Variants in SBK1 observed in about 807,000 individuals in gnomAD.
SBK1 encodes serine/threonine-protein kinase SBK1.
Under a neutral mutation model 24.4 loss-of-function variants are expected in SBK1, and 11 were observed. The ratio of observed to expected loss-of-function variants is 0.45; its 90% CI spans 0.28 to 0.75. The LOEUF is 0.75. Ranked by LOEUF, SBK1 falls within the 30% of genes least tolerant of loss-of-function variation. The pLI is 0.12. For synonymous variants in SBK1, 308 were observed against 284.4 expected (o/e 1.08, Z -0.83); for missense variants, 467 against 620.5 (o/e 0.75, Z 2.63).
intron 1 of SBK1, among the ~76,000 whole-genome samples, chr16:28,298,119 C>T (rs1469971284): frequency 1.3e-5 from 2 of 152,228 alleles, no homozygotes; most frequent in African/African-American, 2.4e-5. Context: ...CCTGGCTCGC[C>T]TCCTGCTCCC....
At chr16:28,282,947 GTTTA>G in intron 1 of SBK1, among the ~76,000 whole-genome samples, 1 of 151,658 alleles carries the variant, frequency 6.6e-6, no homozygotes, top group South Asian at 2.1e-4. Flanking sequence ...TTGTTTGTTT[GTTTA>G]GAGACGGAGT....
chr16:28,277,080 G>C (rs917584740), intron 1 of SBK1, among the ~76,000 whole-genome samples: 2 of 152,080 alleles, frequency 1.3e-5, no homozygotes, highest in Admixed American at 6.6e-5. Flanking sequence ...GTGTGGGGTC[G>C]TTACGCAGGC....
chr16:28,314,937 C>T (rs568955241), intron 1 of SBK1, among the ~76,000 whole-genome samples: 1 of 152,184 alleles, frequency 6.6e-6, no homozygotes, highest in East Asian at 1.9e-4. Flanking sequence ...CAAGATCACA[C>T]CACTGCACTC....
In SBK1 at chr16:28,310,575, T is replaced by A. The variant is rs74656731; in HGVS notation, c.-7-6810T>A. On this transcript the variant is annotated intron_variant, in intron 1 of 3. Transcript: ENST00000341901. Reference sequence around the variant, plus strand: ...TCCTCATCTCAAAAGCCTGTGCTGCTGCTCACACCTGTAATCCCAGCACTT... The same window carrying A: ...TCCTCATCTCAAAAGCCTGTGCTGCAGCTCACACCTGTAATCCCAGCACTT... Among the ~76,000 whole-genome samples, 1,324 of 152,266 alleles carry A rather than the reference T, an allele frequency of 8.7e-3. 20 individuals carry two copies. Among genetic ancestry groups the A allele is most frequent in the African/African-American group, 0.03 (1,264 of 41,550 alleles).
chr16:28,320,851 G>A lies in SBK1; in HGVS notation c.1205G>A (p.Arg402Gln), dbSNP rs764232424. 11 of 1,481,626 alleles carry A rather than the reference G, an allele frequency of 7.4e-6. No homozygotes were observed. The highest frequency in any genetic ancestry group is 9.8e-6 in the Non-Finnish European group (11 of 1,118,742). 91.8% of individuals were successfully genotyped at this position (1,481,626 alleles called of 1,614,324 possible). A position where few individuals can be genotyped will look rare whatever the true frequency, so the allele number is the denominator to read the frequency against. ...CTAGCTCCCCAGGGGCCCCCCGGCC[G>A]GACCGACGGCCGCGCGGACAAGAGC... Reference protein sequence around the residue: ...PGLAPQGPPGRTDGRADKSKG... With the variant: ...PGLAPQGPPGQTDGRADKSKG... The change falls in exon 4 of 4, where the codon CGG becomes CAG. Residue 402 changes from arginine to glutamine, a missense_variant. Physicochemically the swap from Arg to Gln is conservative, Grantham distance 43. Transcript: ENST00000341901. The surrounding 1 kb of genome is among the most constrained non-coding windows in gnomAD (Gnocchi z 8.5).
At chr16:28,277,974 C>G (rs1334302427) in intron 1 of SBK1, among the ~76,000 whole-genome samples, 4 of 152,280 alleles carry the variant, frequency 2.6e-5, no homozygotes, top group Non-Finnish European at 4.4e-5. Flanking sequence ...CCCAGGCCCG[C>G]TACGTCCGGG....
chr16:28,286,566 T>A (rs999368543), intron 1 of SBK1: 1 of 152,122 alleles, frequency 6.6e-6, no homozygotes, highest in African/African-American at 2.4e-5. Context: ...TCCCAGCTAC[T>A]TGGGAGGCTG....
In SBK1 at chr16:28,317,512, C is replaced by G. The variant is rs1344081135; in HGVS notation, c.121C>G (p.Leu41Val). Residue 41 changes from leucine to valine, a missense_variant, in exon 2 of 4, where the codon CTC becomes GTC. Physicochemically the swap from Leu to Val is conservative, Grantham distance 32. Coordinates refer to ENST00000341901, the MANE Select transcript of SBK1 (RefSeq NM_001024401.3). The surrounding 1 kb of genome is among the most constrained non-coding windows in gnomAD (Gnocchi z 4.2). ...LLTEDMQALT[L>V]RTLAASDVTK... ...CACTGAAGACATGCAGGCCCTGACT[C>G]TCCGCACACTGGCCGCCAGCGACGT... 1 of 1,614,206 alleles carries G rather than the reference C, an allele frequency of 6.2e-7. No homozygotes were observed. The highest frequency in any genetic ancestry group is 8.5e-7 in the Non-Finnish European group (1 of 1,180,026).
At chr16:28,290,288 C>T (rs1360796008), upstream of SBK1, 1 of 152,112 alleles carries the variant, frequency 6.6e-6, no homozygotes, top group Non-Finnish European at 1.5e-5. Flanking sequence ...GACAGCAACC[C>T]AACCCCATTT....
chr16:28,269,249 G>C (rs1398455056), intron 1 of SBK1, among the ~76,000 whole-genome samples: 1 of 151,532 alleles, frequency 6.6e-6, no homozygotes, highest in Non-Finnish European at 1.5e-5. Context: ...TAGTCAGGCT[G>C]GTCTCGAATT....
chr16:28,269,254 C>G (rs554940515), intron 1 of SBK1, among the ~76,000 whole-genome samples: 1 of 151,806 alleles, frequency 6.6e-6, no homozygotes, highest in East Asian at 1.9e-4. Context: ...AGGCTGGTCT[C>G]GAATTCCCGA....
intron 1 of SBK1, among the ~76,000 whole-genome samples, chr16:28,296,561 G>A (rs546706710): frequency 4.6e-5 from 7 of 152,182 alleles, no homozygotes; most frequent in East Asian, 1.9e-4. Flanking sequence ...GGCAACCTTC[G>A]TCTGTGTGTG....
chr16:28,309,570 A>C (rs951202607), intron 1 of SBK1, among the ~76,000 whole-genome samples: 2 of 152,134 alleles, frequency 1.3e-5, no homozygotes, highest in Non-Finnish European at 2.9e-5. Context: ...TAGGTGGTAT[A>C]TAAGTTCTAC....
chr16:28,284,665 C>T (rs747970369), intron 1 of SBK1, among the ~76,000 whole-genome samples: 3 of 152,202 alleles, frequency 2.0e-5, no homozygotes, highest in Non-Finnish European at 2.9e-5. Context: ...TCAGGCCGGG[C>T]GCAGTGGCTC....
At chr16:28,312,988 G>A (rs1287563795) in intron 1 of SBK1, among the ~76,000 whole-genome samples, 2 of 152,152 alleles carry the variant, frequency 1.3e-5, no homozygotes, top group Non-Finnish European at 2.9e-5. Flanking sequence ...ACAAAAATTA[G>A]GCATGGTGGC....
chr16:28,294,865 C>G (rs2044627675), intron 1 of SBK1, among the ~76,000 whole-genome samples: 1 of 152,234 alleles, frequency 6.6e-6, no homozygotes, highest in African/African-American at 2.4e-5. Flanking sequence ...GTTGAGGCAG[C>G]CACCTTCAGC....
chr16:28,266,371 A>AAAAAG lies in SBK1; in HGVS notation c.257+6889_257+6893dup, dbSNP rs372380193. 7.3e-3 allele frequency among the ~76,000 whole-genome samples: 1,105 copies of AAAAAG among 152,162 alleles called. 8 individuals are homozygous for AAAAAG. The highest frequency in any genetic ancestry group is 0.023 in the African/African-American group (952 of 41,482). ...GACAAAGGGAGACCCTGTCTCTTACAAAAAGAAAAGAAAAGAAAAGAAAAA... is the reference window on the plus strand; with the variant it reads ...GACAAAGGGAGACCCTGTCTCTTACAAAAAGAAAAGAAAAGAAAAGAAAAGAAAAA... On this transcript the variant is annotated intron_variant, in intron 1 of 3. Coordinates refer to the SBK1 transcript ENST00000671413.
chr16:28,291,289 T>C (rs1357548030), upstream of SBK1: 1 of 150,560 alleles, frequency 6.6e-6, no homozygotes, highest in Admixed American at 6.6e-5. Flanking sequence ...TTCTCACTCA[T>C]AGGTGGGAAT....
intron 1 of SBK1, among the ~76,000 whole-genome samples, chr16:28,264,928 G>A (rs1567668701): frequency 6.6e-6 from 1 of 152,032 alleles, no homozygotes; most frequent in African/African-American, 2.4e-5. Context: ...CGCGAGGAGA[G>A]GGGGCGTGGT....
Sources: gnomAD v4.1 joint callset for allele counts (sites outside exome capture counted in the v4.1 genomes callset) on GRCh38, gnomAD v4.1.1 for gene constraint, Gnocchi (gnomAD v3.1) non-coding constraint, MANE v1.5 for transcripts, NCBI Gene and HGNC (gene_info 2026-07-23, HGNC 2026-07-21) for gene names.